Variants in TMEM232 observed in about 807,000 individuals in gnomAD.
The protein encoded by TMEM232 is transmembrane protein 232.
TMEM232 carries 80 observed loss-of-function variants against 78.8 expected under a neutral mutation model. The observed-to-expected ratio is 1.01, with a 90% CI of 0.85 to 1.22. TMEM232 has a LOEUF of 1.22. Ranked by LOEUF, TMEM232 falls within the 50% of genes most tolerant of loss-of-function variation. The pLI is 0.00. For missense variants in TMEM232, 881 were observed against 742.2 expected, an observed-to-expected ratio of 1.19 and a Z score of -2.17; for synonymous variants, 297 against 254.3, an observed-to-expected ratio of 1.17 and a Z score of -1.60.
intron 1 of TMEM232, among the ~76,000 whole-genome samples, chr5:110,695,665 T>C (rs1479185758): frequency 1.3e-5 from 2 of 152,162 alleles, no homozygotes; most frequent in Non-Finnish European, 2.9e-5. Flanking sequence ...CAGAGAATAC[T>C]ATAAACACCT....
At chr5:110,453,309 T>C (rs1366008487) in intron 12 of TMEM232, among the ~76,000 whole-genome samples, 2 of 152,078 alleles carry the variant, frequency 1.3e-5, no homozygotes, top group African/African-American at 2.4e-5. Context: ...TTTTATTTTA[T>C]TTTATTTTTT....
At chr5:110,414,822 A>C (rs1351520083), downstream of TMEM232, among the ~76,000 whole-genome samples, 2 of 152,094 alleles carry the variant, frequency 1.3e-5, no homozygotes, top group African/African-American at 4.8e-5. Context: ...AAATCTTCCC[A>C]ATGTTCACTT....
chr5:110,558,097 C>A (rs995454958), intron 11 of TMEM232, among the ~76,000 whole-genome samples: 3 of 152,064 alleles, frequency 2.0e-5, no homozygotes, highest in Non-Finnish European at 4.4e-5. Flanking sequence ...ATGCTCTAAC[C>A]CTAGGTGGTT....
intron 10 of TMEM232, among the ~76,000 whole-genome samples, chr5:110,597,597 T>C (rs1012203437): frequency 6.6e-6 from 1 of 151,740 alleles, no homozygotes; most frequent in African/African-American, 2.4e-5. Context: ...GGCATCACGC[T>C]ACCTGACTTC....
chr5:110,543,634 T>C (rs1773431781), intron 11 of TMEM232, among the ~76,000 whole-genome samples: 1 of 152,080 alleles, frequency 6.6e-6, no homozygotes, highest in African/African-American at 2.4e-5. Context: ...TTTATGGAGG[T>C]TAACGCAGAT....
chr5:110,423,141 C>T (rs181773411), intron 13 of TMEM232, among the ~76,000 whole-genome samples: 53 of 152,132 alleles, frequency 3.5e-4, no homozygotes, highest in Non-Finnish European at 6.5e-4. Flanking sequence ...TGTTATTTGT[C>T]GATATTGCAG....
At chr5:110,606,987 T>G (rs1367708762) in intron 8 of TMEM232, among the ~76,000 whole-genome samples, 1 of 151,608 alleles carries the variant, frequency 6.6e-6, no homozygotes, top group Non-Finnish European at 1.5e-5. Flanking sequence ...TTTATTGCCT[T>G]GATTTGTAGA....
upstream of TMEM232, chr5:110,738,170 T>C (rs78443964): frequency 4.0e-3 from 5,049 of 1,250,108 alleles, 177 homozygotes; most frequent in African/African-American, 0.071. Flanking sequence ...TGAAGGAACA[T>C]AGGATGAAAC....
intron 13 of TMEM232, among the ~76,000 whole-genome samples, chr5:110,423,095 A>C (rs1030251506): frequency 6.6e-6 from 1 of 152,170 alleles, no homozygotes; most frequent in African/African-American, 2.4e-5. Context: ...TTGGCTTAGA[A>C]GGAGAATTAT....
intron 1 of TMEM232, among the ~76,000 whole-genome samples, chr5:110,708,998 C>T (rs544954995): frequency 1.8e-4 from 28 of 151,976 alleles, no homozygotes; most frequent in Admixed American, 2.0e-4. Context: ...ATACTTCACC[C>T]GTAAAGATAC....
chr5:110,579,388 A>G (rs1009738025), intron 10 of TMEM232, among the ~76,000 whole-genome samples: 2 of 151,832 alleles, frequency 1.3e-5, no homozygotes, highest in Non-Finnish European at 2.9e-5. Flanking sequence ...CTAAACTACA[A>G]TATGATAGCA....
chr5:110,579,749 AAGAC>A (rs1160035409), intron 10 of TMEM232, among the ~76,000 whole-genome samples: 2 of 151,518 alleles, frequency 1.3e-5, no homozygotes, highest in Admixed American at 6.6e-5. Context: ...CACACAAAAG[AAGAC>A]AGAGCAGGAA....
intron 2 of TMEM232, among the ~76,000 whole-genome samples, chr5:110,651,294 C>T (rs1206596498): frequency 3.3e-5 from 5 of 151,950 alleles, no homozygotes; most frequent in South Asian, 4.2e-4. Flanking sequence ...AAGAGACTAT[C>T]GGGAAAGGTG....
chr5:110,718,193 G>A (rs1797215029), intron 1 of TMEM232, among the ~76,000 whole-genome samples: 1 of 151,930 alleles, frequency 6.6e-6, no homozygotes, highest in South Asian at 2.1e-4. Flanking sequence ...AGAATGCCGT[G>A]CTAGATAGAC....
chr5:110,703,110 G>C (rs1164405277), intron 1 of TMEM232, among the ~76,000 whole-genome samples: 1 of 151,968 alleles, frequency 6.6e-6, no homozygotes, highest in Non-Finnish European at 1.5e-5. Flanking sequence ...AGCCAAAAAG[G>C]CTACTATAAC....
rs532469838 is a variant in TMEM232, at chr5:110,504,144, T to C, written c.1703+24444A>G. Among the ~76,000 whole-genome samples the C allele has an allele frequency of 5.3e-5, 8 of 152,312 alleles. No individual in the cohort carries two copies. In the South Asian group the frequency reaches 1.7e-3, roughly 32 times the overall value. On this transcript the variant is annotated intron_variant, in intron 12 of 13. Transcript: ENST00000455884. ...AATATAATAATCACTTTAGACAGTA[T>C]ACTTTTAATTAATTACTGCAGATTT... is the stretch of plus-strand genomic sequence containing the variant.
chr5:110,727,650 C>T (rs935155546), upstream of TMEM232, among the ~76,000 whole-genome samples: 1 of 152,058 alleles, frequency 6.6e-6, no homozygotes, highest in African/African-American at 2.4e-5. Flanking sequence ...AGGGATTGTC[C>T]TGTGAAATGA....
At chr5:110,589,342 A>G (rs1779221596) in intron 10 of TMEM232, among the ~76,000 whole-genome samples, 1 of 152,146 alleles carries the variant, frequency 6.6e-6, no homozygotes, top group Admixed American at 6.6e-5. Flanking sequence ...AAGTTCTAGA[A>G]AACGCCCAGG....
chr5:110,735,049 G>A (rs1363546440), intron 1 of TMEM232: 4 of 152,132 alleles, frequency 2.6e-5, no homozygotes, highest in Non-Finnish European at 5.9e-5. Flanking sequence ...GTGTATAGTT[G>A]CATCACAGTA....
Sources: allele counts gnomAD v4.1 joint callset (sites outside exome capture counted in the v4.1 genomes callset), GRCh38; gene constraint gnomAD v4.1.1; transcripts MANE v1.5; gene names NCBI Gene and HGNC (gene_info 2026-07-23, HGNC 2026-07-21).